The following DOCK6 variants were observed in gnomAD, a reference collection of about 807,000 sequenced individuals.
DOCK6 encodes the protein dedicator of cytokinesis 6.
A neutral mutation model predicts 230.3 loss-of-function variants in DOCK6; 167 were observed. That is an observed-to-expected ratio of 0.73 (90% confidence interval 0.64 to 0.82). The LOEUF (loss-of-function observed/expected upper bound fraction) is 0.82. Ranked by LOEUF, DOCK6 falls within the 40% of genes least tolerant of loss-of-function variation. The pLI is 0.00. For missense variants in DOCK6, 2,598 were observed against 2,825.8 expected (o/e 0.92, Z 1.83); for synonymous variants, 1,148 against 1,185.0 (o/e 0.97, Z 0.64).
At position 11,236,490 on chromosome 19, in the gene DOCK6, C is replaced by T. The variant is rs200608451; in HGVS notation, c.2248G>A (p.Glu750Lys). The T allele has an allele frequency of 9.7e-5, 156 of 1,601,708 alleles. 1 individual carries two copies. Among genetic ancestry groups the T allele is most frequent in the South Asian group, 4.2e-4 (37 of 88,466 alleles). ...PFRLKDTVLS[E>K]GNVEQELRAS... ...CGCAGCTCCTGCTCCACGTTGCCCTCGCTCAGCACAGTGTCCTTGAGCCGG... is the reference window on the plus strand; with the variant it reads ...CGCAGCTCCTGCTCCACGTTGCCCTTGCTCAGCACAGTGTCCTTGAGCCGG... Residue 750 changes from glutamate (E) to lysine (K), a missense_variant, in exon 20 of 48, where the codon GAG (glutamate) becomes AAG (lysine). By Grantham distance (56) the Glu-to-Lys change is moderately conservative. Coordinates refer to ENST00000294618, the MANE Select transcript of DOCK6 (RefSeq NM_020812.4). This position sits in a 1 kb window ranked among gnomAD's most constrained non-coding sequence, Gnocchi z 5.2.
chr19:11,212,398 C>T (rs547162448), intron 35 of DOCK6, among the ~76,000 whole-genome samples: 5 of 152,068 alleles, frequency 3.3e-5, no homozygotes, highest in South Asian at 2.1e-4. Context: ...TATGCCACCA[C>T]GCCCTACTAA....
chr19:11,261,641 G>A (rs2080290748), intron 1 of DOCK6, among the ~76,000 whole-genome samples: 1 of 152,128 alleles, frequency 6.6e-6, no homozygotes, highest in Admixed American at 6.5e-5. Context: ...CTCCCAGGCT[G>A]TGACTCTCAC....
At chr19:11,203,051 C>G (rs1395181616) in intron 41 of DOCK6, among the ~76,000 whole-genome samples, 1 of 152,130 alleles carries the variant, frequency 6.6e-6, no homozygotes, top group Non-Finnish European at 1.5e-5. Flanking sequence ...TTCCTGTGCC[C>G]TGAGGCCCAC....
At chr19:11,205,212 T>C (rs116688993) in intron 39 of DOCK6, among the ~76,000 whole-genome samples, 2,022 of 152,306 alleles carry the variant, frequency 0.013, 40 homozygotes, top group African/African-American at 0.045. Context: ...TGGTTTTTTT[T>C]CGTAATCTTT....
chr19:11,227,330 C>A lies in DOCK6; in HGVS notation c.2955+7G>T, dbSNP rs1407959075. 6.2e-7 allele frequency: 1 copy of A among 1,613,376 alleles called. No homozygotes were observed. The highest frequency in any genetic ancestry group is 8.5e-7 in the Non-Finnish European group (1 of 1,179,610). On this transcript the variant is annotated splice_region_variant and intron_variant, in intron 24 of 47. Transcript: ENST00000294618. Reference sequence around the variant, plus strand: ...TTCTTCCCACATTGAGACCCTGCATCTCTCACCTTGTGGACACGGGTGATG... The same window carrying A: ...TTCTTCCCACATTGAGACCCTGCATATCTCACCTTGTGGACACGGGTGATG...
At chr19:11,234,419 TAAAAAAAAGAAAAAAAAAAAGAAGAAAAA>T (rs2079815220) in intron 21 of DOCK6, among the ~76,000 whole-genome samples, 1 of 130,484 alleles carries the variant, frequency 7.7e-6, no homozygotes, top group African/African-American at 2.9e-5. Flanking sequence ...CCCTGACTCT[TAAAAAAAAGAAAAAAAAAAAGAAGAAAAA>T]AGAAAAAAAC....
At chr19:11,233,892 T>C (rs2079808035) in intron 21 of DOCK6, among the ~76,000 whole-genome samples, 1 of 151,782 alleles carries the variant, frequency 6.6e-6, no homozygotes, top group African/African-American at 2.4e-5. Flanking sequence ...TGGAGTGCAA[T>C]GGCACGATCT....
Position 11,199,494 on chromosome 19 carries a change from G to T in DOCK6, c.*3C>A, listed in dbSNP as rs368818918. ...TCTAGGTACAGCTTTGGTCCTTGTG[G>T]GCTCAGAGGTCTGCCTTTCGGAAAC... On this transcript the variant is annotated 3_prime_UTR_variant, in exon 48 of 48. Coordinates refer to ENST00000294618, the MANE Select transcript of DOCK6 (RefSeq NM_020812.4). 3 of 1,581,346 alleles carry T rather than the reference G, an allele frequency of 1.9e-6. No homozygotes were observed. The highest frequency in any genetic ancestry group is 2.6e-6 in the Non-Finnish European group (3 of 1,163,662).
Position 11,222,690 on chromosome 19 carries a change from G to T in DOCK6, c.3240+45C>A. 1 of 1,520,666 alleles carries T rather than the reference G, an allele frequency of 6.6e-7. No homozygotes were observed. Among genetic ancestry groups the T allele is most frequent in the Non-Finnish European group, 8.9e-7 (1 of 1,125,400 alleles). The allele number at this position is 1,520,666 out of a possible 1,614,324, so 94.2% of individuals were successfully genotyped here. ...ACCATAGGAGATGGACTGAAGGTGA[G>T]AGGTTGTAGGTCAAAGAGAGGAGGC... On this transcript the variant is annotated intron_variant, in intron 26 of 47. Transcript: ENST00000294618. The surrounding 1 kb of genome is among the most constrained non-coding windows in gnomAD (Gnocchi z 4.0).
chr19:11,252,441 T>G, intron 4 of DOCK6, 41 bp downstream of exon 4: 2 of 1,610,956 alleles, frequency 1.2e-6, no homozygotes, highest in Non-Finnish European at 1.7e-6. Context: ...TCAGCCCTTT[T>G]GGGTTCCGAA....
In DOCK6 at chr19:11,251,018, G is replaced by A. The variant is rs369657414; in HGVS notation, c.576C>T (p.Phe192=). 49 of 1,613,628 alleles carry A rather than the reference G, an allele frequency of 3.0e-5. No individual in the cohort carries two copies. Among genetic ancestry groups the A allele is most frequent in the African/African-American group, 2.3e-4 (17 of 74,904 alleles). ...TPRSSGASSI[F]DLRNLAADSL... is the part of the protein sequence containing the mutation. The stretch of plus-strand genomic sequence containing the variant: ...AGTCAGCTGCCAGGTTCCTCAGGTC[G>A]AAGATGCTAGAGGCACCACTGCTTC... Residue 192 remains phenylalanine, a synonymous_variant, in exon 6 of 48, where the codon TTC becomes TTT. Coordinates refer to ENST00000294618, the MANE Select transcript of DOCK6 (RefSeq NM_020812.4).
intron 1 of DOCK6, among the ~76,000 whole-genome samples, chr19:11,255,554 T>A (rs1348299075): frequency 6.6e-6 from 1 of 152,130 alleles, no homozygotes; most frequent in Non-Finnish European, 1.5e-5. Flanking sequence ...GCTCAAGCGA[T>A]CTGCCCGCCT....
intron 37 of DOCK6, among the ~76,000 whole-genome samples, chr19:11,211,041 T>C (rs1257234453): frequency 6.6e-6 from 1 of 151,854 alleles, no homozygotes; most frequent in East Asian, 1.9e-4. Context: ...ACCTGTCTCC[T>C]CACCCATCCA....
intron 5 of DOCK6, chr19:11,251,437 G>A (rs147805307): frequency 1.9e-4 from 40 of 209,338 alleles, no homozygotes; most frequent in South Asian, 1.8e-3. Context: ...GTTCACTGTC[G>A]CCAGGGAAGG....
At chr19:11,228,011 CTTTTTTT>C (rs886573859) in intron 23 of DOCK6, among the ~76,000 whole-genome samples, 1 of 134,860 alleles carries the variant, frequency 7.4e-6, no homozygotes, top group African/African-American at 2.7e-5. Context: ...AGCTTTCCCT[CTTTTTTT>C]TTTTTTTTTT....
At chr19:11,259,881 CTT>C (rs1205836383) in intron 1 of DOCK6, among the ~76,000 whole-genome samples, 3 of 67,776 alleles carry the variant, frequency 4.4e-5, no homozygotes, top group African/African-American at 6.0e-5. Context: ...CGCGCCCGGC[CTT>C]TTTTTTTTTT....
chr19:11,224,214 C>CTTTCTTTCTTTCTTTCTTTCTTTT (rs768175902), intron 24 of DOCK6, among the ~76,000 whole-genome samples: 1 of 142,122 alleles, frequency 7.0e-6, no homozygotes, highest in African/African-American at 2.6e-5. Flanking sequence ...TTCTTTCTTT[C>CTTTCTTTCTTTCTTTCTTTCTTTT]TTTTTTTTTT....
rs1238857278 is a variant in DOCK6 at position 11,214,424 on chromosome 19, G to A, written c.4204-15C>T. ...AGCATCACCGTCTGGAGGGAAGGGG[G>A]TCAGAAATCCAGGTGTTAGAGCCTA... On this transcript the variant is annotated splice_polypyrimidine_tract_variant and intron_variant, in intron 33 of 47. Transcript: ENST00000294618. The A allele has an allele frequency of 1.9e-6, 3 of 1,613,636 alleles. No individual in the cohort carries two copies. Among genetic ancestry groups the A allele is most frequent in the African/African-American group, 1.3e-5 (1 of 74,940 alleles).
intron 22 of DOCK6, among the ~76,000 whole-genome samples, chr19:11,230,965 C>T (rs572991549): frequency 4.6e-5 from 7 of 152,272 alleles, no homozygotes; most frequent in Admixed American, 4.6e-4. Context: ...TCTCTAGCTA[C>T]CCCAGTCCCA....
Sources: allele counts gnomAD v4.1 joint callset (sites outside exome capture counted in the v4.1 genomes callset), GRCh38; gene constraint gnomAD v4.1.1; non-coding constraint Gnocchi (gnomAD v3.1); transcripts MANE v1.5; gene names NCBI Gene and HGNC (gene_info 2026-07-23, HGNC 2026-07-21).